Variants in GLI3 observed in about 807,000 individuals in gnomAD.
GLI3 encodes transcription activator GLI3.
Under a neutral mutation model 100.8 loss-of-function variants are expected in GLI3, and 20 were observed. The ratio of observed to expected loss-of-function variants is 0.20; its 90% confidence interval spans 0.14 to 0.29. The LOEUF is 0.29. Ranked by LOEUF, GLI3 falls within the 10% of genes least tolerant of loss-of-function variation. The probability of loss-of-function intolerance (pLI) is 1.00; values close to 1 mark genes in which losing one functional copy is unlikely to be tolerated. For synonymous variants in GLI3, 938 were observed against 860.5 expected (o/e 1.09, Z -1.58); for missense variants, 2,040 against 2,128.5 (o/e 0.96, Z 0.82).
chr7:42,129,043 C>T (rs572612247), intron 3 of GLI3, among the ~76,000 whole-genome samples: 25 of 152,318 alleles, frequency 1.6e-4, no homozygotes, highest in African/African-American at 5.8e-4. Flanking sequence ...TCACCTGTCC[C>T]TCCAAAGACT....
intron 1 of GLI3, among the ~76,000 whole-genome samples, chr7:42,225,505 G>C (rs546135336): frequency 1.3e-5 from 2 of 151,994 alleles, no homozygotes; most frequent in East Asian, 3.9e-4. Flanking sequence ...GATTACAGGC[G>C]CCCACCACCA....
rs71006467 is a variant in GLI3, at chr7:42,246,805, CTTTTTTTTTTTTTT to C, written c.-43+17175_-43+17188del. On this transcript the variant is annotated intron_variant, in intron 1 of 2. Transcript: ENST00000678978. Reference sequence around the variant, plus strand: ...TTAAAGGCTCATTGGATGATAGAATCTTTTTTTTTTTTTTTTTTTTTTTTTTTTTGAGGGACGAT... The same window carrying C: ...TTAAAGGCTCATTGGATGATAGAATCTTTTTTTTTTTTTTTGAGGGACGAT... Among the ~76,000 whole-genome samples the C allele has an allele frequency of 1.2e-3, 111 of 94,976 alleles. 2 individuals carry two copies. Among genetic ancestry groups the C allele is most frequent in the South Asian group, 4.2e-3 (11 of 2,618 alleles). 62.3% of individuals were successfully genotyped at this position (94,976 alleles called of 152,430 possible). A position where few individuals can be genotyped will look rare whatever the true frequency, so the allele number is the denominator to read the frequency against.
At chr7:42,071,349 G>A (rs1784781294) in intron 4 of GLI3, among the ~76,000 whole-genome samples, 1 of 151,924 alleles carries the variant, frequency 6.6e-6, no homozygotes, top group Non-Finnish European at 1.5e-5. Flanking sequence ...GAGGCGGGGG[G>A]AAACTTTCCT....
chr7:42,048,850 T>C (rs1450801545), intron 4 of GLI3, among the ~76,000 whole-genome samples, 154 bp from the exon 5 acceptor site: 1 of 152,024 alleles, frequency 6.6e-6, no homozygotes, highest in African/African-American at 2.4e-5. Flanking sequence ...AGTACTATTA[T>C]TTTAAAATCA....
intron 1 of GLI3, among the ~76,000 whole-genome samples, chr7:42,224,060 T>C (rs1562792360): frequency 6.6e-6 from 1 of 152,252 alleles, no homozygotes; most frequent in Non-Finnish European, 1.5e-5. Context: ...GCAGGTTCAG[T>C]AGGTCTGTCT....
At chr7:41,997,061 C>G (rs536987942) in intron 10 of GLI3, among the ~76,000 whole-genome samples, 1 of 152,154 alleles carries the variant, frequency 6.6e-6, no homozygotes, top group Non-Finnish European at 1.5e-5. Context: ...GAGACACTCC[C>G]GTAATCTCAG....
At chr7:42,023,337 A>C (rs994919697) in intron 10 of GLI3, 131 bp downstream of exon 10, 3 of 867,594 alleles carry the variant, frequency 3.5e-6, no homozygotes, top group Non-Finnish European at 5.6e-6. Flanking sequence ...ATTCTCAGAA[A>C]GTCATAAAGC....
chr7:42,263,640 G>T (rs1437730921), intron 1 of GLI3, among the ~76,000 whole-genome samples: 3 of 151,998 alleles, frequency 2.0e-5, no homozygotes, highest in Admixed American at 1.3e-4. Flanking sequence ...TACAGATGGG[G>T]TTTCACCATG....
intron 3 of GLI3, among the ~76,000 whole-genome samples, chr7:42,123,226 C>T (rs846394): frequency 0.32 from 48,334 of 152,068 alleles, 8,621 homozygotes; most frequent in African/African-American, 0.47. Flanking sequence ...TTCACATTTC[C>T]GGAGAGAGAA....
chr7:41,994,108 A>G (rs1788062377), intron 10 of GLI3, among the ~76,000 whole-genome samples: 1 of 152,236 alleles, frequency 6.6e-6, no homozygotes, highest in Non-Finnish European at 1.5e-5. Flanking sequence ...CTGTAGAAAA[A>G]AATAATCTGA....
chr7:42,136,470 G>C (rs1786430499), intron 3 of GLI3, among the ~76,000 whole-genome samples: 1 of 152,150 alleles, frequency 6.6e-6, no homozygotes, highest in Non-Finnish European at 1.5e-5. Flanking sequence ...CCCAGTGCTT[G>C]GCACATGGGA....
chr7:42,215,572 T>G (rs899811800), intron 2 of GLI3, among the ~76,000 whole-genome samples: 3 of 152,202 alleles, frequency 2.0e-5, no homozygotes, highest in Admixed American at 6.5e-5. Flanking sequence ...TTTGAAATGT[T>G]CACACCCCAT....
intron 2 of GLI3, among the ~76,000 whole-genome samples, chr7:42,194,261 T>C (rs6942797): frequency 0.13 from 20,387 of 152,218 alleles, 1,751 homozygotes; most frequent in Non-Finnish European, 0.2. Context: ...GGATAATTAA[T>C]TAATGAAACA....
At chr7:42,031,754 C>T (rs1288659275) in intron 7 of GLI3, among the ~76,000 whole-genome samples, 1 of 152,180 alleles carries the variant, frequency 6.6e-6, no homozygotes, top group South Asian at 2.1e-4. Context: ...AAAGGGCATT[C>T]CACTGGATGC....
chr7:42,245,476 G>A (rs1022959672), intron 1 of GLI3, among the ~76,000 whole-genome samples: 1 of 152,088 alleles, frequency 6.6e-6, no homozygotes, highest in Non-Finnish European at 1.5e-5. Context: ...TCAGGAGTTC[G>A]AGACCATCCT....
intron 3 of GLI3, among the ~76,000 whole-genome samples, chr7:42,111,675 G>A (rs576472283): frequency 5.9e-5 from 9 of 152,274 alleles, no homozygotes; most frequent in Admixed American, 5.2e-4. Flanking sequence ...AAGAAATAAA[G>A]TTCTAGAGCA....
intron 2 of GLI3, among the ~76,000 whole-genome samples, chr7:42,187,830 C>T (rs891719914): frequency 1.3e-5 from 2 of 151,708 alleles, no homozygotes; most frequent in African/African-American, 2.4e-5. Flanking sequence ...TGGTGAAACC[C>T]CGTCTCTACT....
chr7:42,070,793 C>T (rs561310235), intron 4 of GLI3, among the ~76,000 whole-genome samples: 2 of 152,128 alleles, frequency 1.3e-5, no homozygotes, highest in African/African-American at 4.8e-5. Context: ...TTTAAGATGG[C>T]TAATTTCATT....
At chr7:42,157,824 TTAAAC>T (rs1427948786) in intron 2 of GLI3, among the ~76,000 whole-genome samples, 2 of 152,180 alleles carry the variant, frequency 1.3e-5, no homozygotes, top group Admixed American at 1.3e-4. Flanking sequence ...AAGCCTTGCT[TTAAAC>T]TATTTATTCC....
Sources: gnomAD v4.1 joint callset for allele counts (sites outside exome capture counted in the v4.1 genomes callset) on GRCh38, gnomAD v4.1.1 for gene constraint, MANE v1.5 for transcripts, NCBI Gene and HGNC (gene_info 2026-07-23, HGNC 2026-07-21) for gene names.